The following EDRF1 variants were observed in gnomAD, a reference collection of about 807,000 sequenced individuals.
EDRF1 encodes erythroid differentiation-related factor 1.
EDRF1 carries 69 observed loss-of-function variants against 148.7 expected under a neutral mutation model. That is an observed-to-expected ratio of 0.46 (90% CI 0.38 to 0.57). The LOEUF (loss-of-function observed/expected upper bound fraction) is 0.57, where lower values mean the gene tolerates loss of function less well. Ranked by LOEUF, EDRF1 falls within the 20% of genes least tolerant of loss-of-function variation. EDRF1 has a pLI of 0.00. For missense variants in EDRF1, 1,118 were observed against 1,478.7 expected (o/e 0.76, Z 4.00); for synonymous variants, 515 against 532.8 (o/e 0.97, Z 0.46).
intron 24 of EDRF1, among the ~76,000 whole-genome samples, chr10:125,754,215 C>CAA (rs60189890): frequency 0.033 from 3,056 of 93,292 alleles, 132 homozygotes; most frequent in African/African-American, 0.1. Context: ...GACACCATCT[C>CAA]AAAAAAAAAA....
Position 125,723,956 on chromosome 10 carries a change from A to C in EDRF1, c.510+20A>C, listed in dbSNP as rs1189589021. ...TCTCAGGTAATGCTTTTGTGAAAAAATCCAACAAAACATTAACAGCTTAAG... is the reference window on the plus strand; with the variant it reads ...TCTCAGGTAATGCTTTTGTGAAAAACTCCAACAAAACATTAACAGCTTAAG... On this transcript the variant is annotated intron_variant, in intron 4 of 24. Coordinates refer to ENST00000356792, the MANE Select transcript of EDRF1 (RefSeq NM_001202438.2). 6.2e-7 allele frequency: 1 copy of C among 1,612,398 alleles called. No homozygotes were observed. The highest frequency in any genetic ancestry group is 2.2e-5 in the East Asian group (1 of 44,802).
intron 12 of EDRF1, among the ~76,000 whole-genome samples, chr10:125,734,769 A>G (rs139875977): frequency 6.6e-6 from 1 of 152,120 alleles, no homozygotes; most frequent in Non-Finnish European, 1.5e-5. Flanking sequence ...TGCTCCCAAC[A>G]GTTTTACACC....
In EDRF1 at chr10:125,763,508, C is replaced by T. The variant is rs753855490; in HGVS notation, c.*36C>T. On this transcript the variant is annotated 3_prime_UTR_variant, in exon 25 of 25. Coordinates refer to ENST00000356792, the MANE Select transcript of EDRF1 (RefSeq NM_001202438.2). The surrounding 1 kb of genome is among the most constrained non-coding windows in gnomAD (Gnocchi z 4.3). ...CCGTGTCCCAGACACGCTGTCAGTGCCTTCAACACGGAGCCGGTTTGTTCA... is the reference window on the plus strand; with the variant it reads ...CCGTGTCCCAGACACGCTGTCAGTGTCTTCAACACGGAGCCGGTTTGTTCA... 8 of 1,595,714 alleles carry T rather than the reference C, an allele frequency of 5.0e-6. No homozygotes were observed. The highest frequency in any genetic ancestry group is 1.1e-5 in the South Asian group (1 of 90,664).
chr10:125,721,509 C>A (rs898704401), intron 2 of EDRF1, 97 bp downstream of exon 2: 18 of 1,118,570 alleles, frequency 1.6e-5, no homozygotes, highest in Non-Finnish European at 1.6e-5. Context: ...ATTAACTTGT[C>A]GAGATTTCTC....
intron 16 of EDRF1, 60 bp downstream of exon 16, chr10:125,740,711 T>C: frequency 6.5e-7 from 1 of 1,540,352 alleles, no homozygotes; most frequent in Non-Finnish European, 8.9e-7. Flanking sequence ...AGAGAAGGCA[T>C]CTGAATCACA....
chr10:125,761,236 G>A (rs967103653), intron 24 of EDRF1: 10 of 407,360 alleles, frequency 2.5e-5, no homozygotes, highest in African/African-American at 2.1e-4. Context: ...AGGTGATGCA[G>A]GCATTTCATC....
At position 125,723,884 on chromosome 10, in the gene EDRF1, C is replaced by G. The variant is rs758438991; in HGVS notation, c.458C>G (p.Thr153Ser). The G allele has an allele frequency of 6.2e-7, 1 of 1,613,666 alleles. No homozygotes were observed. Residue 153 changes from threonine (T) to serine (S), a missense_variant, in exon 4 of 25, where the codon ACT becomes AGT. Physicochemically the swap from Thr to Ser is moderately conservative, Grantham distance 58 (BLOSUM62 1). This residue lies in a region of EDRF1 where 99 missense variants were observed against 186.9 expected (regional missense o/e 0.53). Coordinates refer to ENST00000356792, the MANE Select transcript of EDRF1 (RefSeq NM_001202438.2). ...VSMAVHRIGR[T>S]LLLDELDIQE... is the part of the protein sequence containing the mutation. ...ATGGCAGTACACCGCATAGGAAGGA[C>G]TCTCTTACTAGATGAGCTAGATATT...
At chr10:125,745,963 C>T in intron 19 of EDRF1, 33 bp downstream of exon 19, 1 of 1,589,240 alleles carries the variant, frequency 6.3e-7, no homozygotes. Context: ...GGGCCTCACC[C>T]ATTCACACCT....
intron 11 of EDRF1, 27 bp downstream of exon 11, chr10:125,733,770 A>T: frequency 6.4e-7 from 1 of 1,569,374 alleles, no homozygotes; most frequent in Non-Finnish European, 8.8e-7. Context: ...TTTAAGATGA[A>T]GAAGTAGCCT....
intron 21 of EDRF1, 95 bp from the exon 22 acceptor site, chr10:125,749,317 A>G (rs1849529056): frequency 7.2e-7 from 1 of 1,394,136 alleles, no homozygotes; most frequent in African/African-American, 1.4e-5. Context: ...AGACCTAGTA[A>G]GACCCACAGT....
chr10:125,720,733 C>T (rs1305923780), intron 1 of EDRF1, among the ~76,000 whole-genome samples: 1 of 150,996 alleles, frequency 6.6e-6, no homozygotes, highest in Non-Finnish European at 1.5e-5. Flanking sequence ...ATGGCGTAAA[C>T]CCCAGAAGCC....
rs778676399 is a variant in EDRF1 at position 125,725,323 on chromosome 10, T to C, written c.516T>C (p.Gly172=). The C allele has an allele frequency of 6.2e-7, 1 of 1,613,864 alleles. No individual in the cohort carries two copies. Among genetic ancestry groups the C allele is most frequent in the Non-Finnish European group, 8.5e-7 (1 of 1,179,928 alleles). ...ATGTATCTCATGTTATCCAGACTGG[T>C]GACTGGACATGGTTGAAAGAGTTTT... ...QELFMRSSQT[G]DWTWLKEFYQ... Residue 172 remains glycine (G), a synonymous_variant, in exon 5 of 25, where the codon GGT becomes GGC. Coordinates refer to ENST00000356792, the MANE Select transcript of EDRF1 (RefSeq NM_001202438.2).
chr10:125,747,973 C>G lies in EDRF1; in HGVS notation c.3084C>G (p.His1028Gln). ...AGTATCGAGCTGCAACCATCCATCA[C>G]AGGCTGGCCTCCATGTACCACAGCT... Reference protein sequence around the residue: ...LCQYRAATIHHRLASMYHSCL... With the variant: ...LCQYRAATIHQRLASMYHSCL... Residue 1028 changes from histidine (H) to glutamine (Q), a missense_variant, in exon 21 of 25, where the codon CAC becomes CAG. Coordinates refer to ENST00000356792, the MANE Select transcript of EDRF1 (RefSeq NM_001202438.2). 3 of 1,614,224 alleles carry G rather than the reference C, an allele frequency of 1.9e-6. No individual in the cohort carries two copies. The highest frequency in any genetic ancestry group is 2.5e-6 in the Non-Finnish European group (3 of 1,180,034).
intron 24 of EDRF1, among the ~76,000 whole-genome samples, chr10:125,754,994 T>TA (rs1481453686): frequency 6.6e-6 from 1 of 152,208 alleles, no homozygotes; most frequent in Non-Finnish European, 1.5e-5. Flanking sequence ...CCACCACAGT[T>TA]ATGACAGAAA....
At chr10:125,758,438 G>A (rs1275345871) in intron 24 of EDRF1, among the ~76,000 whole-genome samples, 5 of 152,088 alleles carry the variant, frequency 3.3e-5, no homozygotes, top group Non-Finnish European at 5.9e-5. Context: ...TATGATAGTA[G>A]AGACCAAGAG....
At chr10:125,723,967 C>T (rs771284038) in intron 4 of EDRF1, 31 bp downstream of exon 4, 2 of 1,610,780 alleles carry the variant, frequency 1.2e-6, no homozygotes, top group Non-Finnish European at 1.7e-6. Context: ...TCCAACAAAA[C>T]ATTAACAGCT....
intron 9 of EDRF1, among the ~76,000 whole-genome samples, chr10:125,732,581 G>A (rs1848529286): frequency 3.3e-5 from 5 of 152,108 alleles, no homozygotes; most frequent in Admixed American, 3.3e-4. Context: ...CATTTAGAGA[G>A]AGAGAAGGAG....
At position 125,725,309 on chromosome 10, in the gene EDRF1, G is replaced by C; in HGVS notation, c.511-9G>C. The stretch of plus-strand genomic sequence containing the variant: ...GTTGTATTAATAATATGTATCTCAT[G>C]TTATCCAGACTGGTGACTGGACATG... On this transcript the variant is annotated splice_polypyrimidine_tract_variant and intron_variant, in intron 4 of 24. Transcript: ENST00000356792. 6.2e-7 allele frequency: 1 copy of C among 1,613,784 alleles called. No individual in the cohort carries two copies.
chr10:125,753,088 CCTTT>C, intron 23 of EDRF1, among the ~76,000 whole-genome samples, 174 bp downstream of exon 23: 2 of 152,280 alleles, frequency 1.3e-5, no homozygotes, highest in African/African-American at 4.8e-5. Flanking sequence ...GTATTCATCT[CCTTT>C]CTTTAATTTG....
Sources: allele counts gnomAD v4.1 joint callset (sites outside exome capture counted in the v4.1 genomes callset), GRCh38; gene constraint gnomAD v4.1.1; regional missense constraint gnomAD v4.1.1; non-coding constraint Gnocchi (gnomAD v3.1); transcripts MANE v1.5; gene names NCBI Gene and HGNC (gene_info 2026-07-23, HGNC 2026-07-21).